MED13L: variants seen among roughly 807,000 people sequenced by gnomAD.
The protein encoded by MED13L is mediator of RNA polymerase II transcription subunit 13-like.
MED13L carries 7 observed loss-of-function variants against 220.9 expected under a neutral mutation model. The ratio of observed to expected loss-of-function variants is 0.03; its 90% confidence interval spans 0.02 to 0.06. MED13L has a LOEUF of 0.06. Ranked by LOEUF, MED13L falls within the 10% of genes least tolerant of loss-of-function variation. The pLI, the probability that MED13L is intolerant of heterozygous loss-of-function variation, is 1.00. For missense variants in MED13L, 1,965 were observed against 2,760.5 expected (o/e 0.71, Z 6.46); for synonymous variants, 1,011 against 1,015.2 (o/e 1.00, Z 0.08).
intron 4 of MED13L, among the ~76,000 whole-genome samples, chr12:116,023,245 G>A (rs1374870172): frequency 2.0e-5 from 3 of 152,082 alleles, no homozygotes; most frequent in African/African-American, 7.2e-5. Context: ...GCAGTGAACT[G>A]TGATCAAGCC....
intron 2 of MED13L, chr12:116,230,314 C>T (rs1283837814): frequency 5.7e-6 from 1 of 175,226 alleles, no homozygotes; most frequent in Non-Finnish European, 1.1e-5. Context: ...GCAGGAGAAT[C>T]GCTTGAACCA....
intron 26 of MED13L, among the ~76,000 whole-genome samples, 163 bp downstream of exon 26, chr12:115,971,915 T>C (rs1876612266): frequency 6.6e-6 from 1 of 152,080 alleles, no homozygotes; most frequent in Admixed American, 6.5e-5. Context: ...CACAAACCAC[T>C]CCGCATGGAA....
intron 2 of MED13L, among the ~76,000 whole-genome samples, chr12:116,141,174 A>ATATTTAATTAGG (rs2138048118): frequency 1.3e-5 from 2 of 152,324 alleles, no homozygotes; most frequent in African/African-American, 4.8e-5. Flanking sequence ...TTAAATATCC[A>ATATTTAATTAGG]TACTAGGTAC....
chr12:116,185,688 CTTTT>C (rs1880846246), intron 2 of MED13L, among the ~76,000 whole-genome samples: 3 of 93,714 alleles, frequency 3.2e-5, no homozygotes, highest in Non-Finnish European at 6.9e-5. Context: ...CTTTTCTTTT[CTTTT>C]CTTTTCTTTT....
chr12:116,137,125 G>A (rs1400721704), intron 2 of MED13L, among the ~76,000 whole-genome samples: 1 of 152,016 alleles, frequency 6.6e-6, no homozygotes, highest in Non-Finnish European at 1.5e-5. Context: ...CAAATTTTGA[G>A]CATCTCTAAA....
chr12:116,249,411 T>A (rs1871326578), intron 1 of MED13L, among the ~76,000 whole-genome samples: 1 of 151,932 alleles, frequency 6.6e-6, no homozygotes, highest in African/African-American at 2.4e-5. Flanking sequence ...AGGAAGGAAA[T>A]AAAATCCAGA....
intron 3 of MED13L, among the ~76,000 whole-genome samples, chr12:116,105,634 T>C (rs1873501575): frequency 6.6e-6 from 1 of 152,192 alleles, no homozygotes; most frequent in South Asian, 2.1e-4. Flanking sequence ...CATAGGTATG[T>C]TTCAGAAACA....
chr12:115,993,400 A>C (rs1266655377), intron 16 of MED13L, among the ~76,000 whole-genome samples: 1 of 152,204 alleles, frequency 6.6e-6, no homozygotes, highest in Non-Finnish European at 1.5e-5. Context: ...GTTACTTATA[A>C]TGTGAAAGAA....
At chr12:116,165,394 G>C (rs1308307254) in intron 2 of MED13L, among the ~76,000 whole-genome samples, 1 of 150,234 alleles carries the variant, frequency 6.7e-6, no homozygotes, top group Non-Finnish European at 1.5e-5. Flanking sequence ...TCAGTGGCAC[G>C]ATCTTAGCTC....
intron 2 of MED13L, among the ~76,000 whole-genome samples, chr12:116,188,175 T>C (rs879022025): frequency 2.6e-5 from 4 of 152,100 alleles, no homozygotes; most frequent in Admixed American, 6.5e-5. Flanking sequence ...TTATTAATCC[T>C]GAAAAGAAAT....
chr12:116,156,367 G>C (rs907650573), intron 2 of MED13L, among the ~76,000 whole-genome samples: 1 of 145,232 alleles, frequency 6.9e-6, no homozygotes, highest in African/African-American at 2.6e-5. Flanking sequence ...CTGGATTGTA[G>C]GCAGCACAGT....
At chr12:116,164,597 T>C (rs1046277381) in intron 2 of MED13L, among the ~76,000 whole-genome samples, 5 of 152,166 alleles carry the variant, frequency 3.3e-5, no homozygotes, top group African/African-American at 1.2e-4. Context: ...TTGGTCACAG[T>C]TGCCAAGGAA....
At chr12:116,046,471 T>C (rs975352952) in intron 4 of MED13L, among the ~76,000 whole-genome samples, 1 of 152,238 alleles carries the variant, frequency 6.6e-6, no homozygotes, top group Non-Finnish European at 1.5e-5. Flanking sequence ...TGTCTTTTGT[T>C]ACCTTCGTTA....
intron 2 of MED13L, among the ~76,000 whole-genome samples, chr12:116,148,145 T>C (rs1877714282): frequency 6.6e-6 from 1 of 151,384 alleles, no homozygotes; most frequent in Non-Finnish European, 1.5e-5. Flanking sequence ...AGTCATTCAT[T>C]TCCATTCATT....
intron 2 of MED13L, among the ~76,000 whole-genome samples, chr12:116,135,042 G>A (rs575078091): frequency 3.0e-4 from 45 of 152,252 alleles, no homozygotes; most frequent in Admixed American, 1.5e-3. Context: ...GGTGGCATGT[G>A]CTTGTAGCCC....
intron 2 of MED13L, among the ~76,000 whole-genome samples, chr12:116,188,977 G>C (rs1243901053): frequency 2.0e-5 from 3 of 152,142 alleles, no homozygotes; most frequent in African/African-American, 4.8e-5. Flanking sequence ...GGAGACCTGG[G>C]CTGTTTCCAG....
intron 7 of MED13L, among the ~76,000 whole-genome samples, chr12:116,017,195 A>G (rs1461650057): frequency 6.6e-6 from 1 of 152,234 alleles, no homozygotes; most frequent in Admixed American, 6.5e-5. Flanking sequence ...TTAAAGGGGA[A>G]GGAATTTGAA....
intron 2 of MED13L, among the ~76,000 whole-genome samples, chr12:116,182,761 A>G (rs905627028): frequency 4.6e-5 from 7 of 152,188 alleles, no homozygotes; most frequent in Non-Finnish European, 1.0e-4. Context: ...ACTCTAACAT[A>G]TATTACATGT....
In MED13L at chr12:116,127,682, T is replaced by C. The variant is rs575911354; in HGVS notation, c.311-16170A>G. ...GTACAGAAATTGTCATCCCGTTTCT[T>C]TTACAATCCAGCTTCATCAAGAAGC... On this transcript the variant is annotated intron_variant, in intron 2 of 30. Transcript: ENST00000281928. Among the ~76,000 whole-genome samples, 3 of 152,316 alleles carry C rather than the reference T, an allele frequency of 2.0e-5. No individual in the cohort carries two copies. The East Asian group carries it at 5.8e-4, about 29-fold the overall frequency.
Sources: gnomAD v4.1 joint callset for allele counts (sites outside exome capture counted in the v4.1 genomes callset) on GRCh38, gnomAD v4.1.1 for gene constraint, MANE v1.5 for transcripts, NCBI Gene and HGNC (gene_info 2026-07-23, HGNC 2026-07-21) for gene names.